Variants in MTBP observed in about 807,000 individuals in gnomAD.
The protein encoded by MTBP is MDM2 binding protein.
MTBP carries 101 observed loss-of-function variants against 117.0 expected under a neutral mutation model. That is an observed-to-expected ratio of 0.86 (90% CI 0.73 to 1.02). MTBP has a LOEUF of 1.02. Among genes scored for constraint, MTBP ranks in the 50% least tolerant of loss-of-function variants. MTBP has a pLI of 0.00. For missense variants in MTBP, 970 were observed against 1,030.9 expected, an observed-to-expected ratio of 0.94 and a Z score of 0.81; for synonymous variants, 350 against 351.5, an observed-to-expected ratio of 1.00 and a Z score of 0.05.
chr8:120,454,667 G>T (rs1813430908), intron 5 of MTBP, among the ~76,000 whole-genome samples: 1 of 151,950 alleles, frequency 6.6e-6, no homozygotes, highest in African/African-American at 2.4e-5. Context: ...CTATATTCAA[G>T]GAGATCATAT....
chr8:120,455,332 A>AT (rs1175478666), intron 5 of MTBP, 103 bp from the exon 6 acceptor site: 16 of 589,640 alleles, frequency 2.7e-5, no homozygotes, highest in Non-Finnish European at 2.7e-6. Flanking sequence ...TATAAAACTA[A>AT]TTTTTCTAAA....
At chr8:120,490,099 T>C (rs369606589) in intron 12 of MTBP, among the ~76,000 whole-genome samples, 54 of 152,162 alleles carry the variant, frequency 3.5e-4, no homozygotes, top group Non-Finnish European at 6.5e-4. Flanking sequence ...CAAAAAGGAA[T>C]AACAGGAGAT....
intron 21 of MTBP, 62 bp downstream of exon 21, chr8:120,522,781 T>A (rs1359364820): frequency 7.9e-7 from 1 of 1,273,050 alleles, no homozygotes; most frequent in African/African-American, 1.5e-5. Context: ...TCAGGGTTGC[T>A]CTGATGCCAT....
intron 11 of MTBP, among the ~76,000 whole-genome samples, chr8:120,478,800 A>G (rs1814003740): frequency 6.6e-6 from 1 of 152,178 alleles, no homozygotes; most frequent in Non-Finnish European, 1.5e-5. Context: ...TGTGGTACAT[A>G]TATACCAGGA....
intron 7 of MTBP, among the ~76,000 whole-genome samples, chr8:120,456,871 T>C (rs1253365611): frequency 6.6e-6 from 1 of 152,188 alleles, no homozygotes; most frequent in Non-Finnish European, 1.5e-5. Context: ...GAGCACTTTA[T>C]ATGTGAGTAG....
intron 10 of MTBP, among the ~76,000 whole-genome samples, chr8:120,467,545 G>T (rs1337791292): frequency 6.6e-6 from 1 of 152,200 alleles, no homozygotes; most frequent in Non-Finnish European, 1.5e-5. Flanking sequence ...GGCAGAGGTT[G>T]CAGTGAGCAG....
chr8:120,516,646 T>C (rs1814925464), intron 18 of MTBP, among the ~76,000 whole-genome samples: 1 of 152,036 alleles, frequency 6.6e-6, no homozygotes, highest in Non-Finnish European at 1.5e-5. Context: ...TGCATAATGA[T>C]AGAATATATG....
chr8:120,495,515 A>G (rs901725621), intron 13 of MTBP, among the ~76,000 whole-genome samples: 3 of 151,748 alleles, frequency 2.0e-5, no homozygotes, highest in African/African-American at 7.3e-5. Context: ...ATTTTTTTTT[A>G]TCTTTTTAAT....
At chr8:120,493,036 C>T (rs1405210760) in intron 13 of MTBP, among the ~76,000 whole-genome samples, 4 of 152,090 alleles carry the variant, frequency 2.6e-5, no homozygotes, top group Non-Finnish European at 4.4e-5. Context: ...TCATTTTGCT[C>T]CAGTATTGCA....
intron 17 of MTBP, among the ~76,000 whole-genome samples, chr8:120,514,764 C>T (rs187599259): frequency 4.7e-4 from 71 of 152,138 alleles, no homozygotes; most frequent in African/African-American, 1.7e-3. Flanking sequence ...GCCCTGTTTG[C>T]ATGTTTCAGG....
rs1554640839 is a variant in MTBP at position 120,497,582 on chromosome 8, G to GGTC, written c.1609+28_1609+29insGTC. ...AAGTTTTTTATTACTTTAAATTTTA[G>GGTC]TTCGTGTGTGTGTGGCAACTATGAC... On this transcript the variant is annotated intron_variant, in intron 14 of 21. Coordinates refer to ENST00000305949, the MANE Select transcript of MTBP (RefSeq NM_022045.5). 13 of 1,119,842 alleles carry GGTC rather than the reference G, an allele frequency of 1.2e-5. No homozygotes were observed. The South Asian group carries it at 1.9e-4, about 17-fold the overall frequency. 69.4% of individuals were successfully genotyped at this position (1,119,842 alleles called of 1,614,324 possible).
chr8:120,461,346 A>C (rs1813579138), intron 9 of MTBP, 91 bp downstream of exon 9: 3 of 870,876 alleles, frequency 3.4e-6, no homozygotes, highest in South Asian at 3.3e-5. Flanking sequence ...CATGTTAGGT[A>C]TATCTTTTTC....
At chr8:120,457,090 C>A (rs1021827846) in intron 7 of MTBP, among the ~76,000 whole-genome samples, 2 of 152,046 alleles carry the variant, frequency 1.3e-5, no homozygotes, top group South Asian at 4.1e-4. Flanking sequence ...TATTGTCTTC[C>A]CATAATACTA....
chr8:120,484,487 A>G (rs933714679), intron 11 of MTBP, among the ~76,000 whole-genome samples: 2 of 151,590 alleles, frequency 1.3e-5, no homozygotes, highest in Non-Finnish European at 2.9e-5. Flanking sequence ...TTTGGGATGT[A>G]TATATATATA....
intron 17 of MTBP, among the ~76,000 whole-genome samples, chr8:120,511,024 A>G (rs1329965790): frequency 6.6e-6 from 1 of 152,224 alleles, no homozygotes; most frequent in Non-Finnish European, 1.5e-5. Flanking sequence ...ATTTGAATCT[A>G]AATGGTAAGA....
chr8:120,494,627 C>A (rs1385532651), intron 13 of MTBP, among the ~76,000 whole-genome samples: 1 of 152,166 alleles, frequency 6.6e-6, no homozygotes, highest in Non-Finnish European at 1.5e-5. Context: ...CTTCACTTTC[C>A]CACATAATCC....
rs543492291 is a variant in MTBP, at chr8:120,453,884, T to A, written c.463T>A (p.Ser155Thr). The A allele has an allele frequency of 1.6e-5, 25 of 1,580,124 alleles. No individual in the cohort carries two copies. In the South Asian group the frequency reaches 2.9e-4, roughly 18 times the overall value. The change falls in exon 5 of 22, where the codon TCA (serine) becomes ACA (threonine). Residue 155 changes from serine to threonine, a missense_variant. Ser to Thr is a moderately conservative substitution (Grantham distance 58). Transcript: ENST00000305949. The part of the protein sequence containing the change: ...EEAAENLHQL[S>T]DKLPAPGRAM... ...AGCTGCAGAAAATTTGCATCAGCTG[T>A]CAGACAAGCTTCCTGCTCCTGGTAA... is the stretch of plus-strand genomic sequence containing the variant.
At chr8:120,446,569 T>C in intron 2 of MTBP, 56 bp downstream of exon 2, 1 of 1,086,294 alleles carries the variant, frequency 9.2e-7, no homozygotes, top group Non-Finnish European at 1.4e-6. Flanking sequence ...GGAAATTAAC[T>C]TAATTAATTT....
At chr8:120,494,690 G>A (rs918072137) in intron 13 of MTBP, among the ~76,000 whole-genome samples, 32 of 152,162 alleles carry the variant, frequency 2.1e-4, no homozygotes, top group African/African-American at 7.5e-4. Flanking sequence ...GGTTAAATCA[G>A]TGGTTGGCTT....
Sources: gnomAD v4.1 joint callset for allele counts (sites outside exome capture counted in the v4.1 genomes callset) on GRCh38, gnomAD v4.1.1 for gene constraint, MANE v1.5 for transcripts, NCBI Gene and HGNC (gene_info 2026-07-23, HGNC 2026-07-21) for gene names.